The following SOD2 variants were observed in gnomAD, a reference collection of about 807,000 sequenced individuals.
SOD2 encodes superoxide dismutase [Mn], mitochondrial.
A neutral mutation model predicts 27.0 loss-of-function variants in SOD2; 11 were observed. That is an observed-to-expected ratio of 0.41 (90% CI 0.26 to 0.67). SOD2 has a LOEUF of 0.67. SOD2 is among the 30% of genes least tolerant of loss of function. SOD2 has a pLI of 0.34. For synonymous variants in SOD2, 105 were observed against 103.0 expected, an observed-to-expected ratio of 1.02 and a Z score of -0.12; for missense variants, 250 against 274.5, an observed-to-expected ratio of 0.91 and a Z score of 0.63.
At chr6:159,736,323 G>C (rs974193935) in intron 1 of SOD2, 3 of 1,582,532 alleles carry the variant, frequency 1.9e-6, no homozygotes, top group Non-Finnish European at 2.6e-6. Flanking sequence ...GGGTTTTTTT[G>C]TTTTGTTTTG....
chr6:159,702,717 G>GGT (rs1421510660), intron 1 of SOD2, among the ~76,000 whole-genome samples: 1 of 150,586 alleles, frequency 6.6e-6, no homozygotes, highest in Admixed American at 6.6e-5. Flanking sequence ...CAGGCATGGT[G>GGT]GTGTGCGCCT....
rs1353557908 is a variant in SOD2, at chr6:159,673,332, T to G, written c.*9161A>C. The G allele has an allele frequency of 6.6e-6, 1 of 152,152 alleles. No individual in the cohort carries two copies. The highest frequency in any genetic ancestry group is 2.4e-5 in the African/African-American group (1 of 41,440). The allele number at this position is 152,152 out of a possible 1,614,324, so 9.4% of individuals were successfully genotyped here. A position where few individuals can be genotyped will look rare whatever the true frequency, so the allele number is the denominator to read the frequency against. ...CACCACATCGCACCTATTCCAAAAT[T>G]GACCACATAGTTGGAAGTAAAGCAC... is the stretch of plus-strand genomic sequence containing the variant. On this transcript the variant is annotated 3_prime_UTR_variant, in exon 5 of 5. Coordinates refer to ENST00000538183, the MANE Select transcript of SOD2 (RefSeq NM_000636.4).
upstream of SOD2, among the ~76,000 whole-genome samples, chr6:159,697,894 C>G (rs1000825770): frequency 1.3e-5 from 2 of 152,198 alleles, no homozygotes; most frequent in African/African-American, 4.8e-5. Flanking sequence ...AATCCCAACA[C>G]TTTGGGAGGC....
chr6:159,710,143 T>A (rs1051061270), intron 1 of SOD2, among the ~76,000 whole-genome samples: 16 of 149,610 alleles, frequency 1.1e-4, no homozygotes, highest in African/African-American at 3.7e-4. Flanking sequence ...CGGGATAGCA[T>A]TAGGAGATAT....
chr6:159,731,831 G>C (rs546135344), upstream of SOD2, among the ~76,000 whole-genome samples: 47 of 152,306 alleles, frequency 3.1e-4, no homozygotes, highest in African/African-American at 1.0e-3. Context: ...ACCTGTTTCA[G>C]AATACCAAGG....
upstream of SOD2, among the ~76,000 whole-genome samples, chr6:159,745,437 CT>C (rs34144985): frequency 0.015 from 2,101 of 144,560 alleles, 13 homozygotes; most frequent in Non-Finnish European, 0.019. Context: ...CCTTTTCCAG[CT>C]TTTTTTTTTT....
intron 1 of SOD2, among the ~76,000 whole-genome samples, chr6:159,704,869 A>AC (rs993213923): frequency 1.7e-4 from 26 of 152,044 alleles, no homozygotes; most frequent in African/African-American, 5.3e-4. Flanking sequence ...ACTGGGAGGC[A>AC]CCCCCCAGTA....
intron 1 of SOD2, among the ~76,000 whole-genome samples, chr6:159,757,632 C>T (rs1232300314): frequency 6.6e-6 from 1 of 151,998 alleles, no homozygotes; most frequent in Non-Finnish European, 1.5e-5. Flanking sequence ...AGGCTGGTCT[C>T]GAACTCCTGA....
Position 159,680,873 on chromosome 6 carries a change from T to G in SOD2, c.*1620A>C, listed in dbSNP as rs1485798122. ...ATCACTTGAACCCGGGAAGTGGAGG[T>G]TGCAGTGAGCTCCGGTCGCGCCACT... On this transcript the variant is annotated 3_prime_UTR_variant, in exon 5 of 5. Coordinates refer to ENST00000538183, the MANE Select transcript of SOD2 (RefSeq NM_000636.4). 2 of 150,704 alleles carry G rather than the reference T, an allele frequency of 1.3e-5. No homozygotes were observed. Among genetic ancestry groups the G allele is most frequent in the East Asian group, 2.0e-4 (1 of 5,118 alleles). 9.3% of individuals were successfully genotyped at this position (150,704 alleles called of 1,614,324 possible). A position where few individuals can be genotyped will look rare whatever the true frequency, so the allele number is the denominator to read the frequency against.
At chr6:159,727,803 G>A, upstream of SOD2, 2 of 861,580 alleles carry the variant, frequency 2.3e-6, no homozygotes, top group Non-Finnish European at 2.8e-6. Flanking sequence ...GGCAGGGCCC[G>A]AAAGGCCACA....
chr6:159,696,309 C>T (rs1248853975), upstream of SOD2, among the ~76,000 whole-genome samples: 1 of 152,126 alleles, frequency 6.6e-6, no homozygotes, highest in Non-Finnish European at 1.5e-5. Context: ...CCCACTGTCT[C>T]CCCCAACCTT....
rs749986690 is a variant in SOD2 at position 159,688,250 on chromosome 6, G to A, written c.227-8C>T. The A allele has an allele frequency of 8.4e-6, 13 of 1,547,022 alleles. No homozygotes were observed. The highest frequency in any genetic ancestry group is 1.7e-4 in the Middle Eastern group (1 of 5,926). ...TCTGGGCTGTAACATCTCCTGAAAA[G>A]TTAAAATGCAAACACATTTTTTTGT... On this transcript the variant is annotated splice_region_variant and splice_polypyrimidine_tract_variant and intron_variant, in intron 2 of 4. Coordinates refer to ENST00000538183, the MANE Select transcript of SOD2 (RefSeq NM_000636.4).
intron 1 of SOD2, chr6:159,755,791 GCTTCAATA>G (rs1779992740): frequency 2.4e-6 from 1 of 419,374 alleles, no homozygotes; most frequent in Non-Finnish European, 3.1e-6. Context: ...TTTTTTTTTT[GCTTCAATA>G]CTTCTGCCGC....
chr6:159,727,491 G>A (rs2114851432), upstream of SOD2: 1 of 993,546 alleles, frequency 1.0e-6, no homozygotes, highest in Non-Finnish European at 1.2e-6. Flanking sequence ...GGGCCGGGCG[G>A]CGGGGCCTGG....
At chr6:159,727,536 C>T (rs1262859315), upstream of SOD2, 4 of 991,566 alleles carry the variant, frequency 4.0e-6, no homozygotes, top group Non-Finnish European at 4.8e-6. Flanking sequence ...GGCAGCGAGA[C>T]CCACAAATAA....
At chr6:159,751,030 T>G (rs1779800712) in intron 1 of SOD2, among the ~76,000 whole-genome samples, 1 of 152,254 alleles carries the variant, frequency 6.6e-6, no homozygotes, top group South Asian at 2.1e-4. Flanking sequence ...TTTAGAGTGT[T>G]TAGAGGTATA....
upstream of SOD2, among the ~76,000 whole-genome samples, chr6:159,730,539 AGTT>A: frequency 6.6e-6 from 1 of 152,368 alleles, no homozygotes; most frequent in African/African-American, 2.4e-5. Context: ...TTGACCAAAT[AGTT>A]GAATGTTGTA....
intron 1 of SOD2, among the ~76,000 whole-genome samples, chr6:159,709,298 G>C (rs950219864): frequency 6.6e-6 from 1 of 151,940 alleles, no homozygotes; most frequent in Admixed American, 6.5e-5. Context: ...CTTCTGCACA[G>C]CAAAAAAAAC....
intron 1 of SOD2, chr6:159,755,760 CTTTTCTT>C (rs1779986501): frequency 2.1e-5 from 6 of 286,788 alleles, no homozygotes; most frequent in African/African-American, 5.0e-5. Context: ...TTTTTTTTTT[CTTTTCTT>C]TTTTTTTTTT....
Sources: gnomAD v4.1 joint callset for allele counts (sites outside exome capture counted in the v4.1 genomes callset) on GRCh38, gnomAD v4.1.1 for gene constraint, MANE v1.5 for transcripts, NCBI Gene and HGNC (gene_info 2026-07-23, HGNC 2026-07-21) for gene names.